Variants in VPS26C observed in about 807,000 individuals in gnomAD.
VPS26C encodes vacuolar protein sorting-associated protein 26C.
In VPS26C, 19 loss-of-function variants were observed where a neutral mutation model predicts 30.6. The observed-to-expected ratio is 0.62, with a 90% CI of 0.43 to 0.91. VPS26C has a LOEUF of 0.91. Ranked by LOEUF, VPS26C falls within the 40% of genes least tolerant of loss-of-function variation. VPS26C has a pLI of 0.00. For synonymous variants in VPS26C, 132 were observed against 151.5 expected (o/e 0.87, Z 0.95); for missense variants, 318 against 385.1 (o/e 0.83, Z 1.46).
In VPS26C at chr21:37,261,510, TGTTA is replaced by T. The variant is rs1393854045; in HGVS notation, c.57+5724_57+5727del. 18 of 152,100 alleles carry T rather than the reference TGTTA, an allele frequency of 1.2e-4. 1 individual carries two copies. The allele number at this position is 152,100 out of a possible 1,614,324, so 9.4% of individuals were successfully genotyped here. ...TTATCCCATCACAATCTCACTTTCT[TGTTA>T]GTTACTCTTTTTGTAATTCTGCTTG... On this transcript the variant is annotated intron_variant, in intron 1 of 7. Coordinates refer to ENST00000309117, the MANE Select transcript of VPS26C (RefSeq NM_006052.2).
At chr21:37,230,379 C>T (rs2085948913) in intron 5 of VPS26C, 1 of 152,202 alleles carries the variant, frequency 6.6e-6, no homozygotes, top group African/African-American at 2.4e-5. Context: ...TATTTTGAGT[C>T]TGAGCTCCAG....
At chr21:37,229,458 T>C (rs2085939279) in intron 5 of VPS26C, 1 of 152,170 alleles carries the variant, frequency 6.6e-6, no homozygotes, top group South Asian at 2.1e-4. Context: ...TGGATCCCAG[T>C]TACTGAAAGG....
rs540328378 is a variant in VPS26C at position 37,233,910 on chromosome 21, G to T, written c.352-468C>A. Reference sequence around the variant, plus strand: ...CCCACCTGCAGCGAGACTCCAATGAGATCATGTGTGACAAGCACTCAGCAC... The same window carrying T: ...CCCACCTGCAGCGAGACTCCAATGATATCATGTGTGACAAGCACTCAGCAC... On this transcript the variant is annotated intron_variant, in intron 3 of 7. Coordinates refer to ENST00000309117, the MANE Select transcript of VPS26C (RefSeq NM_006052.2). This position sits in a 1 kb window ranked among gnomAD's most constrained non-coding sequence, Gnocchi z 5.2. 2.6e-5 allele frequency among the ~76,000 whole-genome samples: 4 copies of T among 152,382 alleles called. No individual in the cohort carries two copies. Among genetic ancestry groups the T allele is most frequent in the Non-Finnish European group, 5.9e-5 (4 of 68,044 alleles).
In VPS26C at chr21:37,226,812, C is replaced by T. The variant is rs1433289366; in HGVS notation, c.811+842G>A. On this transcript the variant is annotated intron_variant, in intron 7 of 7. Coordinates refer to ENST00000309117, the MANE Select transcript of VPS26C (RefSeq NM_006052.2). The surrounding 1 kb of genome is among the most constrained non-coding windows in gnomAD (Gnocchi z 4.1). ...GCAGTGCTCACTCCTGACTTCCAACCTAGAGGTCCCCGAGCCTCTCTGAAT... is the reference window on the plus strand; with the variant it reads ...GCAGTGCTCACTCCTGACTTCCAACTTAGAGGTCCCCGAGCCTCTCTGAAT... The T allele has an allele frequency of 1.3e-5, 2 of 152,204 alleles. No individual in the cohort carries two copies. The highest frequency in any genetic ancestry group is 1.5e-5 in the Non-Finnish European group (1 of 68,050). The allele number at this position is 152,204 out of a possible 1,614,324, so 9.4% of individuals were successfully genotyped here.
chr21:37,249,896 C>A (rs1407156008), intron 1 of VPS26C, among the ~76,000 whole-genome samples: 1 of 152,126 alleles, frequency 6.6e-6, no homozygotes, highest in Non-Finnish European at 1.5e-5. Context: ...TAGAAATAGA[C>A]CCAGACAGTA....
chr21:37,266,549 G>A (rs1413391778), intron 1 of VPS26C, among the ~76,000 whole-genome samples: 1 of 152,134 alleles, frequency 6.6e-6, no homozygotes, highest in Non-Finnish European at 1.5e-5. Flanking sequence ...CCGAGTTAGA[G>A]GAACCTTACA....
intron 5 of VPS26C, chr21:37,228,944 G>T (rs2085933633): frequency 6.6e-6 from 1 of 151,600 alleles, no homozygotes. Context: ...GAGGCAGGAG[G>T]ATTGCTTGAG....
At chr21:37,243,321 G>A (rs1030076238) in intron 1 of VPS26C, among the ~76,000 whole-genome samples, 8 of 152,112 alleles carry the variant, frequency 5.3e-5, no homozygotes, top group African/African-American at 1.9e-4. Context: ...GACTGGCAAC[G>A]AACCCAGAAC....
chr21:37,229,162 G>A (rs2085936000), intron 5 of VPS26C: 1 of 152,172 alleles, frequency 6.6e-6, no homozygotes, highest in South Asian at 2.1e-4. Flanking sequence ...CTGCACACCT[G>A]ACGCTGGCCA....
rs2086047711 is a variant in VPS26C, at chr21:37,238,459, C to G, written c.351+1G>C. ...GTCGCGTAGGACTAGGAAGCTCTCA[C>G]CTGAATGTTGACAAACACGCCATGA... On this transcript the variant is annotated splice_donor_variant, in intron 3 of 7. Coordinates refer to ENST00000309117, the MANE Select transcript of VPS26C (RefSeq NM_006052.2). LOFTEE classifies it high-confidence loss of function. 1 of 1,613,694 alleles carries G rather than the reference C, an allele frequency of 6.2e-7. No individual in the cohort carries two copies. Among genetic ancestry groups the G allele is most frequent in the Non-Finnish European group, 8.5e-7 (1 of 1,179,820 alleles).
chr21:37,264,147 A>G (rs1369574114), intron 1 of VPS26C, among the ~76,000 whole-genome samples: 1 of 152,258 alleles, frequency 6.6e-6, no homozygotes, highest in Non-Finnish European at 1.5e-5. Flanking sequence ...TTAGTTTAAT[A>G]ACTTTCTCTT....
intron 3 of VPS26C, among the ~76,000 whole-genome samples, chr21:37,237,096 T>A (rs2086033510): frequency 6.6e-6 from 1 of 152,220 alleles, no homozygotes; most frequent in African/African-American, 2.4e-5. Flanking sequence ...ACACGTTTTC[T>A]ATGTATATCT....
At chr21:37,244,223 AG>A (rs1311314202) in intron 1 of VPS26C, among the ~76,000 whole-genome samples, 1 of 152,240 alleles carries the variant, frequency 6.6e-6, no homozygotes, top group East Asian at 1.9e-4. Context: ...GTTTGTTCAA[AG>A]GGGGGCAAAA....
rs993655966 is a variant in VPS26C at position 37,233,214 on chromosome 21, G to A, written c.432+148C>T. On this transcript the variant is annotated intron_variant, in intron 4 of 7. Coordinates refer to ENST00000309117, the MANE Select transcript of VPS26C (RefSeq NM_006052.2). This position sits in a 1 kb window ranked among gnomAD's most constrained non-coding sequence, Gnocchi z 5.2. ...ATGCACACGTGATGCGCATGCCACC[G>A]ACTGTCTCTGACCCAGAAGTCTTGT... 11 of 676,710 alleles carry A rather than the reference G, an allele frequency of 1.6e-5. No individual in the cohort carries two copies. The highest frequency in any genetic ancestry group is 8.2e-5 in the East Asian group (3 of 36,560). The allele number at this position is 676,710 out of a possible 1,614,324, so 41.9% of individuals were successfully genotyped here. A position where few individuals can be genotyped will look rare whatever the true frequency, so the allele number is the denominator to read the frequency against.
At chr21:37,241,505 A>T (rs1409872613) in intron 1 of VPS26C, among the ~76,000 whole-genome samples, 1 of 152,168 alleles carries the variant, frequency 6.6e-6, no homozygotes, top group Non-Finnish European at 1.5e-5. Context: ...GAAAGACTGA[A>T]TCCACAATCC....
intron 1 of VPS26C, among the ~76,000 whole-genome samples, chr21:37,265,974 G>C (rs1291050268): frequency 7.1e-6 from 1 of 141,220 alleles, no homozygotes; most frequent in Non-Finnish European, 1.5e-5. Context: ...CTGGAGTGCA[G>C]TGGCACAATC....
At chr21:37,229,361 A>G (rs1327979289) in intron 5 of VPS26C, 1 of 152,270 alleles carries the variant, frequency 6.6e-6, no homozygotes, top group African/African-American at 2.4e-5. Flanking sequence ...GTTGGGTCAC[A>G]TTCAAAGCCA....
chr21:37,260,197 C>G (rs2086289845), intron 1 of VPS26C, among the ~76,000 whole-genome samples: 1 of 152,188 alleles, frequency 6.6e-6, no homozygotes, highest in Non-Finnish European at 1.5e-5. Flanking sequence ...AACGCTACCT[C>G]TTAACAGTAT....
intron 1 of VPS26C, among the ~76,000 whole-genome samples, chr21:37,248,340 TG>T (rs1191551265): frequency 1.1e-4 from 12 of 106,424 alleles, no homozygotes; most frequent in Non-Finnish European, 1.9e-4. Context: ...CTTCTGGGGG[TG>T]GGGGGAGGGG....
Sources: allele counts gnomAD v4.1 joint callset (sites outside exome capture counted in the v4.1 genomes callset), GRCh38; gene constraint gnomAD v4.1.1; non-coding constraint Gnocchi (gnomAD v3.1); transcripts MANE v1.5; gene names NCBI Gene and HGNC (gene_info 2026-07-23, HGNC 2026-07-21).